THSD7B: variants seen among roughly 807,000 people sequenced by gnomAD.
The protein encoded by THSD7B is thrombospondin type-1 domain-containing protein 7B.
In THSD7B, 138 loss-of-function variants were observed where a neutral mutation model predicts 213.6. The observed-to-expected ratio is 0.65, with a 90% CI of 0.56 to 0.74. The LOEUF (loss-of-function observed/expected upper bound fraction) is 0.74, where lower values mean the gene tolerates loss of function less well. THSD7B is among the 30% of genes least tolerant of loss of function. The probability of loss-of-function intolerance (pLI) is 0.00; values close to 1 mark genes in which losing one functional copy is unlikely to be tolerated. For synonymous variants in THSD7B, 742 were observed against 687.0 expected (o/e 1.08, Z -1.25); for missense variants, 1,931 against 1,991.5 (o/e 0.97, Z 0.58).
At chr2:136,898,582 C>CCCCCG (rs1553456497) in intron 2 of THSD7B, among the ~76,000 whole-genome samples, 1 of 143,258 alleles carries the variant, frequency 7.0e-6, no homozygotes, top group Non-Finnish European at 1.6e-5. Context: ...TCCCCCCGCC[C>CCCCCG]CCCCGCCAAA....
At chr2:137,440,538 C>T (rs1294977656) in intron 14 of THSD7B, among the ~76,000 whole-genome samples, 4 of 151,594 alleles carry the variant, frequency 2.6e-5, no homozygotes, top group Non-Finnish European at 5.9e-5. Flanking sequence ...AGTTTAGGGA[C>T]TGTAGAATAC....
intron 27 of THSD7B, among the ~76,000 whole-genome samples, chr2:137,672,145 G>T (rs980896207): frequency 6.6e-6 from 1 of 152,030 alleles, no homozygotes. Flanking sequence ...TTTATTGCCC[G>T]TGATTTTTAG....
chr2:137,592,764 A>T lies in THSD7B; in HGVS notation c.3423+20208A>T, dbSNP rs199844427. Among the ~76,000 whole-genome samples the T allele has an allele frequency of 3.9e-5, 6 of 152,008 alleles. No homozygotes were observed. In the East Asian group the frequency reaches 7.7e-4, roughly 20 times the overall value. ...AGATCTCAAGGGTATGGGTTGATAAATTTTTTTACTTCTTATATTTCTGAA... is the reference window on the plus strand; with the variant it reads ...AGATCTCAAGGGTATGGGTTGATAATTTTTTTTACTTCTTATATTTCTGAA... On this transcript the variant is annotated intron_variant, in intron 17 of 27. Coordinates refer to ENST00000409968, the MANE Select transcript of THSD7B (RefSeq NM_001316349.2).
At chr2:136,809,695 A>G (rs1482547147) in intron 1 of THSD7B, among the ~76,000 whole-genome samples, 1 of 152,124 alleles carries the variant, frequency 6.6e-6, no homozygotes, top group Non-Finnish European at 1.5e-5. Context: ...TGGGAATGGC[A>G]TGATTTGTCT....
intron 17 of THSD7B, among the ~76,000 whole-genome samples, chr2:137,596,473 T>A (rs1207088591): frequency 6.6e-6 from 1 of 152,052 alleles, no homozygotes; most frequent in Non-Finnish European, 1.5e-5. Context: ...ACCAAAATCT[T>A]ATCATCATGG....
chr2:137,009,663 A>G (rs560384909), intron 2 of THSD7B, among the ~76,000 whole-genome samples: 2 of 152,294 alleles, frequency 1.3e-5, no homozygotes, highest in East Asian at 1.9e-4. Context: ...TTGTAAAACT[A>G]TCAGATCTCG....
chr2:136,808,307 C>G (rs1325279937), intron 1 of THSD7B, among the ~76,000 whole-genome samples: 1 of 152,206 alleles, frequency 6.6e-6, no homozygotes, highest in Non-Finnish European at 1.5e-5. Flanking sequence ...TTCCTTACTC[C>G]CTCCAGTGAG....
chr2:136,814,859 TG>T (rs1477165212), intron 1 of THSD7B, among the ~76,000 whole-genome samples: 1 of 152,196 alleles, frequency 6.6e-6, no homozygotes, highest in Non-Finnish European at 1.5e-5. Context: ...TGCCTGTTTT[TG>T]TATGGGTCTC....
intron 12 of THSD7B, among the ~76,000 whole-genome samples, chr2:137,276,530 A>C (rs991243574): frequency 6.6e-6 from 1 of 152,104 alleles, no homozygotes; most frequent in Non-Finnish European, 1.5e-5. Flanking sequence ...GGAAGTAGTA[A>C]AATTTCTGGA....
At chr2:136,925,875 G>A (rs967073718) in intron 2 of THSD7B, among the ~76,000 whole-genome samples, 3 of 152,004 alleles carry the variant, frequency 2.0e-5, no homozygotes, top group Admixed American at 6.6e-5. Context: ...AATTAATTTA[G>A]TGACATAATT....
chr2:137,417,922 A>G (rs112678830), intron 14 of THSD7B, among the ~76,000 whole-genome samples: 2,187 of 152,192 alleles, frequency 0.014, 44 homozygotes, highest in African/African-American at 0.05. Flanking sequence ...TTGCCAAATG[A>G]CTCATTGCCT....
At chr2:136,823,889 T>C (rs1286076156) in intron 1 of THSD7B, among the ~76,000 whole-genome samples, 1 of 152,136 alleles carries the variant, frequency 6.6e-6, no homozygotes, top group African/African-American at 2.4e-5. Flanking sequence ...AGCAAAGATA[T>C]ATATGATGAG....
intron 9 of THSD7B, among the ~76,000 whole-genome samples, chr2:137,234,229 GCCCTC>G (rs1398445838): frequency 1.3e-5 from 2 of 152,182 alleles, no homozygotes; most frequent in East Asian, 3.8e-4. Context: ...ACTACACCCT[GCCCTC>G]CATGGCAAAA....
intron 15 of THSD7B, among the ~76,000 whole-genome samples, chr2:137,535,229 C>T (rs1482801475): frequency 6.6e-6 from 1 of 151,516 alleles, no homozygotes; most frequent in African/African-American, 2.4e-5. Context: ...TATCCATTCA[C>T]ATTGACACAC....
At chr2:137,264,496 C>G (rs1489746102) in intron 10 of THSD7B, among the ~76,000 whole-genome samples, 1 of 152,170 alleles carries the variant, frequency 6.6e-6, no homozygotes, top group African/African-American at 2.4e-5. Flanking sequence ...GATCCGCCCA[C>G]CTCAGCCTCC....
chr2:137,437,404 T>G (rs531264469), intron 14 of THSD7B, among the ~76,000 whole-genome samples: 1 of 152,338 alleles, frequency 6.6e-6, no homozygotes, highest in South Asian at 2.1e-4. Flanking sequence ...GGGATGATGA[T>G]TGTAGAGAAA....
chr2:137,616,181 G>A lies in THSD7B; in HGVS notation c.3430G>A (p.Asp1144Asn), dbSNP rs760970233. ...CCTACTCTGATTTTAATAGTCATGCGATCCCCACACAATGCAGAGAAGAAC... is the reference window on the plus strand; with the variant it reads ...CCTACTCTGATTTTAATAGTCATGCAATCCCCACACAATGCAGAGAAGAAC... ...GLWSKCPQSC[D>N]PHTMQRRTRH... is the part of the protein sequence containing the mutation. The change falls in exon 18 of 28, where the codon GAT (aspartate) becomes AAT (asparagine). Residue 1144 changes from aspartate to asparagine, a missense_variant. Asp to Asn is a conservative substitution (Grantham distance 23). Transcript: ENST00000409968. The A allele has an allele frequency of 6.8e-6, 11 of 1,611,050 alleles. No homozygotes were observed. The highest frequency in any genetic ancestry group is 2.2e-5 in the East Asian group (1 of 44,850).
chr2:137,324,934 C>T (rs1203749495), intron 12 of THSD7B, among the ~76,000 whole-genome samples: 1 of 152,156 alleles, frequency 6.6e-6, no homozygotes, highest in African/African-American at 2.4e-5. Context: ...TTCTTCCTTG[C>T]GAATAGAGGT....
At chr2:137,059,500 C>G (rs1006888430) in intron 3 of THSD7B, among the ~76,000 whole-genome samples, 1 of 152,096 alleles carries the variant, frequency 6.6e-6, no homozygotes, top group East Asian at 1.9e-4. Context: ...TTTTACTCCC[C>G]TAAGTATCCC....
Sources: gnomAD v4.1 joint callset for allele counts (sites outside exome capture counted in the v4.1 genomes callset) on GRCh38, gnomAD v4.1.1 for gene constraint, MANE v1.5 for transcripts, NCBI Gene and HGNC (gene_info 2026-07-23, HGNC 2026-07-21) for gene names.